NALCN: variants seen among roughly 807,000 people sequenced by gnomAD.
NALCN encodes sodium leak channel, non-selective.
In NALCN, 111 loss-of-function variants were observed where a neutral mutation model predicts 225.3. That is an observed-to-expected ratio of 0.49 (90% CI 0.42 to 0.58). The LOEUF (loss-of-function observed/expected upper bound fraction) is 0.58. Among genes scored for constraint, NALCN ranks in the 20% least tolerant of loss-of-function variants. The pLI, the probability that NALCN is intolerant of heterozygous loss-of-function variation, is 0.00. For synonymous variants in NALCN, 764 were observed against 769.0 expected (o/e 0.99, Z 0.11); for missense variants, 1,378 against 2,202.4 (o/e 0.63, Z 7.49).
chr13:101,277,956 G>C (rs1312062472), intron 10 of NALCN, among the ~76,000 whole-genome samples: 1 of 152,136 alleles, frequency 6.6e-6, no homozygotes, highest in Admixed American at 6.5e-5. Context: ...TTTATTGCCA[G>C]ATCATTCTCT....
At chr13:101,078,504 T>C (rs967226243) in intron 34 of NALCN, among the ~76,000 whole-genome samples, 4 of 152,226 alleles carry the variant, frequency 2.6e-5, no homozygotes, top group South Asian at 2.1e-4. Flanking sequence ...GGAACTTTAA[T>C]GTTTAATGAC....
At chr13:101,398,976 T>C (rs758403392) in intron 2 of NALCN, 43 bp downstream of exon 2, 5 of 1,222,194 alleles carry the variant, frequency 4.1e-6, no homozygotes, top group Non-Finnish European at 6.1e-6. Flanking sequence ...CACATTTATC[T>C]CACATCCACA....
rs2041813654 is a variant in NALCN at position 101,243,734 on chromosome 13, C to T, written c.1267-5812G>A. Among the ~76,000 whole-genome samples the T allele has an allele frequency of 2.9e-5, 3 of 103,862 alleles. 1 individual carries two copies. The highest frequency in any genetic ancestry group is 1.0e-4 in the African/African-American group (3 of 28,814). The allele number at this position is 103,862 out of a possible 152,430, so 68.1% of individuals were successfully genotyped here. ...AATGAGTGGAGTCATTTATTGACCC[C>T]CTTCTCCACCTGGAGTAATTCAGTC... On this transcript the variant is annotated intron_variant, in intron 11 of 43. Coordinates refer to ENST00000251127, the MANE Select transcript of NALCN (RefSeq NM_052867.4).
intron 1 of NALCN, among the ~76,000 whole-genome samples, chr13:101,409,033 T>C (rs1245616467): frequency 6.6e-6 from 1 of 152,186 alleles, no homozygotes; most frequent in Non-Finnish European, 1.5e-5. Context: ...TCCAAAACTG[T>C]CATTACTTCT....
chr13:101,123,925 T>C (rs1002898843), intron 18 of NALCN, among the ~76,000 whole-genome samples: 5 of 152,210 alleles, frequency 3.3e-5, no homozygotes, highest in Non-Finnish European at 5.9e-5. Context: ...ATCTGTCCAC[T>C]CGCCTTGCGA....
intron 4 of NALCN, among the ~76,000 whole-genome samples, chr13:101,377,723 G>A (rs2046734405): frequency 6.6e-6 from 1 of 152,056 alleles, no homozygotes; most frequent in Non-Finnish European, 1.5e-5. Context: ...GAACTCTAGA[G>A]ACCTGTACAA....
chr13:101,150,050 A>T (rs1200770366), intron 15 of NALCN, among the ~76,000 whole-genome samples: 1 of 150,542 alleles, frequency 6.6e-6, no homozygotes, highest in African/African-American at 2.5e-5. Flanking sequence ...ATTTGGGTTT[A>T]TTTAAATATT....
At chr13:101,126,496 AT>A (rs35175845) in intron 17 of NALCN, among the ~76,000 whole-genome samples, 26,317 of 144,518 alleles carry the variant, frequency 0.18, 2,410 homozygotes, top group East Asian at 0.4. Flanking sequence ...TTTTGGCATA[AT>A]TTTTTTTTTT....
At chr13:101,287,984 G>A (rs2043402849) in intron 9 of NALCN, among the ~76,000 whole-genome samples, 1 of 152,166 alleles carries the variant, frequency 6.6e-6, no homozygotes, top group African/African-American at 2.4e-5. Context: ...GTAATGCAGA[G>A]AAAATCTAAA....
At chr13:101,191,774 G>A in intron 14 of NALCN, 143 bp downstream of exon 14, 1 of 716,890 alleles carries the variant, frequency 1.4e-6, no homozygotes, top group African/African-American at 1.9e-5. Context: ...AACTTAGAAT[G>A]GAAGGAGGGA....
intron 42 of NALCN, among the ~76,000 whole-genome samples, chr13:101,059,449 G>C (rs1001272228): frequency 6.6e-5 from 10 of 152,152 alleles, no homozygotes; most frequent in Middle Eastern, 3.4e-3. Flanking sequence ...AAATATTTAG[G>C]GCAGAGCTTC....
At chr13:101,218,206 G>T (rs1206494265) in intron 13 of NALCN, among the ~76,000 whole-genome samples, 2 of 152,156 alleles carry the variant, frequency 1.3e-5, no homozygotes, top group African/African-American at 2.4e-5. Context: ...TCATCAGGAA[G>T]CCTGGAAATG....
At chr13:101,243,385 GACA>G (rs370012921) in intron 11 of NALCN, among the ~76,000 whole-genome samples, 1,413 of 102,598 alleles carry the variant, frequency 0.014, 451 homozygotes, top group South Asian at 0.05. Context: ...TTTTTCTTGA[GACA>G]ACAACAACAA....
chr13:101,255,549 CTG>C (rs2042203562), intron 11 of NALCN, among the ~76,000 whole-genome samples: 3 of 152,196 alleles, frequency 2.0e-5, no homozygotes, highest in African/African-American at 7.2e-5. Context: ...ATAAGCATAA[CTG>C]TAATCTCTTG....
At chr13:101,103,724 T>G (rs528464112) in intron 25 of NALCN, among the ~76,000 whole-genome samples, 1 of 152,310 alleles carries the variant, frequency 6.6e-6, no homozygotes, top group East Asian at 1.9e-4. Context: ...ACAATTCTCC[T>G]TGTTGTCTCT....
intron 11 of NALCN, among the ~76,000 whole-genome samples, chr13:101,255,606 T>A (rs2140207105): frequency 6.6e-6 from 1 of 152,346 alleles, no homozygotes; most frequent in Middle Eastern, 3.4e-3. Flanking sequence ...CCAGCAAATC[T>A]TTACCTACTG....
chr13:101,408,733 G>T (rs1355901181), intron 1 of NALCN, among the ~76,000 whole-genome samples: 1 of 151,824 alleles, frequency 6.6e-6, no homozygotes. Context: ...TTCTTTTGGG[G>T]TACTCATTCA....
chr13:101,289,525 C>CATATAT (rs10549837), intron 9 of NALCN, among the ~76,000 whole-genome samples: 1,768 of 140,838 alleles, frequency 0.013, 23 homozygotes, highest in Middle Eastern at 0.037. Flanking sequence ...TGAAAATGTG[C>CATATAT]ATATATATAT....
At chr13:101,118,431 G>C (rs1459533834) in intron 18 of NALCN, among the ~76,000 whole-genome samples, 1 of 151,996 alleles carries the variant, frequency 6.6e-6, no homozygotes, top group African/African-American at 2.4e-5. Flanking sequence ...AATGTGATTA[G>C]AATATATTAT....
Sources: allele counts gnomAD v4.1 joint callset (sites outside exome capture counted in the v4.1 genomes callset), GRCh38; gene constraint gnomAD v4.1.1; transcripts MANE v1.5; gene names NCBI Gene and HGNC (gene_info 2026-07-23, HGNC 2026-07-21).